Variants in PDE1C observed in about 807,000 individuals in gnomAD.
PDE1C encodes phosphodiesterase 1C.
Under a neutral mutation model 93.1 loss-of-function variants are expected in PDE1C, and 62 were observed. That is an observed-to-expected ratio of 0.67 (90% CI 0.54 to 0.82). PDE1C has a LOEUF of 0.82. Ranked by LOEUF, PDE1C falls within the 40% of genes least tolerant of loss-of-function variation. The pLI is 0.00. For missense variants in PDE1C, 742 were observed against 884.6 expected (o/e 0.84, Z 2.04); for synonymous variants, 325 against 310.1 (o/e 1.05, Z -0.50).
At chr7:32,303,686 C>T (rs887926991), upstream of PDE1C, among the ~76,000 whole-genome samples, 2 of 152,066 alleles carry the variant, frequency 1.3e-5, no homozygotes, top group African/African-American at 2.4e-5. Flanking sequence ...AAAAAAGGTG[C>T]CAAAAACGTA....
chr7:31,902,740 CTATCAT>C, intron 2 of PDE1C, among the ~76,000 whole-genome samples: 1 of 151,402 alleles, frequency 6.6e-6, no homozygotes, highest in East Asian at 1.9e-4. Context: ...ATTTTTATAG[CTATCAT>C]TATCATTATA....
chr7:32,108,943 A>G (rs1798496026), intron 3 of PDE1C, among the ~76,000 whole-genome samples: 1 of 152,174 alleles, frequency 6.6e-6, no homozygotes, highest in Non-Finnish European at 1.5e-5. Flanking sequence ...CCCCTGGCAC[A>G]TATATATTCT....
At chr7:31,638,615 A>C in the PDE1C span, among the ~76,000 whole-genome samples, 6 of 152,194 alleles carry the variant, frequency 3.9e-5, no homozygotes, top group Non-Finnish European at 7.3e-5. Context: ...TCAATACCCT[A>C]AAGATGTTAC....
chr7:32,331,301 A>G (rs1783510270), intron 1 of PDE1C, among the ~76,000 whole-genome samples: 1 of 152,226 alleles, frequency 6.6e-6, no homozygotes, highest in Admixed American at 6.5e-5. Flanking sequence ...CTTAGACACT[A>G]GGTTCAAATC....
chr7:31,872,230 G>T (rs1796032695), intron 6 of PDE1C, among the ~76,000 whole-genome samples: 1 of 152,064 alleles, frequency 6.6e-6, no homozygotes, highest in Non-Finnish European at 1.5e-5. Flanking sequence ...ATGTGTGTGG[G>T]GGTATAGGGG....
intron 2 of PDE1C, among the ~76,000 whole-genome samples, chr7:31,923,374 GGGA>G (rs1563039534): frequency 6.6e-6 from 1 of 152,086 alleles, no homozygotes; most frequent in Non-Finnish European, 1.5e-5. Context: ...GGTGGGAGGT[GGGA>G]GGAGGACAGG....
At chr7:32,048,269 T>C (rs1792868816) in intron 2 of PDE1C, among the ~76,000 whole-genome samples, 1 of 152,212 alleles carries the variant, frequency 6.6e-6, no homozygotes, top group South Asian at 2.1e-4. Flanking sequence ...CTATGGTCCA[T>C]TCTCTTGAAT....
chr7:32,114,076 T>C (rs191228297), intron 3 of PDE1C, among the ~76,000 whole-genome samples: 138 of 152,312 alleles, frequency 9.1e-4, no homozygotes, highest in African/African-American at 2.6e-3. Context: ...ATAGATTCAA[T>C]GCTATTCTCA....
At chr7:31,674,742 ATTCTT>A in the PDE1C span, among the ~76,000 whole-genome samples, 1 of 152,186 alleles carries the variant, frequency 6.6e-6, no homozygotes, top group African/African-American at 2.4e-5. Flanking sequence ...ATAAAATAAT[ATTCTT>A]TTCTAACAGT....
At chr7:31,743,563 G>A in the PDE1C span, among the ~76,000 whole-genome samples, 1 of 149,956 alleles carries the variant, frequency 6.7e-6, no homozygotes, top group Non-Finnish European at 1.5e-5. Context: ...TGCAGTGTGT[G>A]TGTGTGTGTG....
chr7:31,931,798 T>C (rs192010019), intron 2 of PDE1C, among the ~76,000 whole-genome samples: 31 of 151,854 alleles, frequency 2.0e-4, no homozygotes, highest in Admixed American at 7.2e-4. Flanking sequence ...CAAAGGAAAA[T>C]GAACAAACCT....
intron 1 of PDE1C, among the ~76,000 whole-genome samples, chr7:32,296,631 A>G (rs539581816): frequency 6.6e-6 from 1 of 152,200 alleles, no homozygotes; most frequent in Non-Finnish European, 1.5e-5. Context: ...CTCTTCTAAC[A>G]GAAAGGGAAA....
intron 2 of PDE1C, among the ~76,000 whole-genome samples, chr7:32,035,046 G>T (rs1267490274): frequency 6.6e-6 from 1 of 152,070 alleles, no homozygotes; most frequent in Non-Finnish European, 1.5e-5. Flanking sequence ...CCTAGTGACA[G>T]AGCAGGAGCA....
intron 2 of PDE1C, among the ~76,000 whole-genome samples, chr7:31,940,612 G>T (rs370708429): frequency 6.6e-6 from 1 of 152,166 alleles, no homozygotes; most frequent in African/African-American, 2.4e-5. Context: ...AGGGATGGGT[G>T]CCCTGAGGCA....
At chr7:31,939,230 A>AAGAAGG (rs1554423462) in intron 2 of PDE1C, among the ~76,000 whole-genome samples, 3,412 of 151,690 alleles carry the variant, frequency 0.022, 121 homozygotes, top group African/African-American at 0.079. Flanking sequence ...GAAGAAGAAG[A>AAGAAGG]AGGAGGAGGA....
At chr7:31,804,937 T>A (rs189971458) in intron 16 of PDE1C, among the ~76,000 whole-genome samples, 1 of 151,770 alleles carries the variant, frequency 6.6e-6, no homozygotes, top group East Asian at 2.0e-4. Context: ...CCCACCCAAA[T>A]CTCATCTTGA....
At chr7:32,267,586 A>ACACACTCTCTCTCT (rs1442508353) in intron 1 of PDE1C, among the ~76,000 whole-genome samples, 2 of 117,610 alleles carry the variant, frequency 1.7e-5, no homozygotes, top group African/African-American at 6.8e-5. Context: ...ACACACACAC[A>ACACACTCTCTCTCT]CTCTCTCTCT....
chr7:31,796,928 TA>T (rs1164626490), intron 16 of PDE1C, among the ~76,000 whole-genome samples: 2 of 151,882 alleles, frequency 1.3e-5, no homozygotes, highest in African/African-American at 4.8e-5. Context: ...AACAGACACC[TA>T]AAAATAATAT....
chr7:32,274,125 T>C (rs1811138560), intron 1 of PDE1C, among the ~76,000 whole-genome samples: 1 of 152,148 alleles, frequency 6.6e-6, no homozygotes, highest in South Asian at 2.1e-4. Flanking sequence ...CAAACATTTT[T>C]AGCAGTAGAA....
Sources: allele counts gnomAD v4.1 joint callset (sites outside exome capture counted in the v4.1 genomes callset), GRCh38; gene constraint gnomAD v4.1.1; transcripts MANE v1.5; gene names NCBI Gene and HGNC (gene_info 2026-07-23, HGNC 2026-07-21).